The following DLG2 variants were observed in gnomAD, a reference collection of about 807,000 sequenced individuals.
DLG2 encodes the protein disks large homolog 2.
DLG2 carries 45 observed loss-of-function variants against 132.5 expected under a neutral mutation model. The ratio of observed to expected loss-of-function variants is 0.34; its 90% CI spans 0.27 to 0.44. The LOEUF is 0.44. DLG2 is among the 20% of genes least tolerant of loss of function. The pLI is 1.00. For synonymous variants in DLG2, 424 were observed against 419.6 expected (o/e 1.01, Z -0.13); for missense variants, 1,045 against 1,196.9 (o/e 0.87, Z 1.87).
At chr11:85,124,974 G>A (rs2074903136) in intron 5 of DLG2, among the ~76,000 whole-genome samples, 1 of 152,038 alleles carries the variant, frequency 6.6e-6, no homozygotes. Flanking sequence ...GGGACTACAG[G>A]CATCCGCCAC....
chr11:85,622,226 TA>T (rs2081761011), intron 2 of DLG2, among the ~76,000 whole-genome samples: 1 of 152,228 alleles, frequency 6.6e-6, no homozygotes, highest in African/African-American at 2.4e-5. Flanking sequence ...TAGTATAGTA[TA>T]TACTGTACTG....
chr11:84,048,923 G>C (rs985027616), intron 11 of DLG2, among the ~76,000 whole-genome samples: 9 of 151,498 alleles, frequency 5.9e-5, no homozygotes, highest in South Asian at 2.1e-4. Flanking sequence ...AGACAGTCTC[G>C]GTACTAAGTG....
chr11:85,445,869 A>G (rs1285622229), intron 3 of DLG2, among the ~76,000 whole-genome samples: 1 of 152,194 alleles, frequency 6.6e-6, no homozygotes. Context: ...TTGATGGAGG[A>G]AACCATGGAG....
chr11:83,965,431 T>A lies in DLG2; in HGVS notation c.1094A>T (p.Glu365Val), dbSNP rs2089956973. 9 of 1,611,478 alleles carry A rather than the reference T, an allele frequency of 5.6e-6. No individual in the cohort carries two copies. The highest frequency in any genetic ancestry group is 7.6e-6 in the Non-Finnish European group (9 of 1,178,364). ...TGTGTTCTTTAATATTGCTACTGCC[T>A]CTTCGTGTGTTACTTCTTCTAAACT... ...NYSLEEVTHE[E>V]AVAILKNTSE... Residue 365 changes from glutamate to valine, a missense_variant, in exon 13 of 28, where the codon GAG becomes GTG. This residue lies in a region of DLG2 where 261 missense variants were observed against 256.1 expected (regional missense o/e 1.02). Coordinates refer to ENST00000376104, the MANE Select transcript of DLG2 (RefSeq NM_001142699.3).
intron 6 of DLG2, among the ~76,000 whole-genome samples, chr11:84,793,778 A>C (rs562477211): frequency 2.6e-5 from 4 of 151,852 alleles, no homozygotes; most frequent in Middle Eastern, 3.4e-3. Flanking sequence ...TTTTTATTCT[A>C]TGTGTTTCTT....
intron 6 of DLG2, among the ~76,000 whole-genome samples, chr11:84,678,435 G>T (rs947796115): frequency 2.0e-5 from 3 of 152,064 alleles, no homozygotes; most frequent in African/African-American, 7.2e-5. Flanking sequence ...GTATATGGAG[G>T]TGAATAAGAG....
intron 6 of DLG2, among the ~76,000 whole-genome samples, chr11:84,799,487 G>T (rs538477873): frequency 2.9e-4 from 44 of 152,224 alleles, no homozygotes; most frequent in South Asian, 1.5e-3. Flanking sequence ...TATTGTGATT[G>T]CTCACCTGAT....
intron 3 of DLG2, among the ~76,000 whole-genome samples, chr11:85,389,506 G>A (rs2086623802): frequency 6.6e-6 from 1 of 152,044 alleles, no homozygotes; most frequent in African/African-American, 2.4e-5. Flanking sequence ...GAAGCTCAAA[G>A]AACACCTAGG....
chr11:83,868,602 A>T (rs1057339816), intron 16 of DLG2, among the ~76,000 whole-genome samples: 4 of 152,170 alleles, frequency 2.6e-5, no homozygotes, highest in African/African-American at 9.7e-5. Context: ...TACATTCTAA[A>T]AATAGACAAA....
intron 19 of DLG2, among the ~76,000 whole-genome samples, chr11:83,561,883 CTTTT>C (rs66514406): frequency 0.067 from 5,923 of 88,168 alleles, 156 homozygotes; most frequent in South Asian, 0.2. Context: ...GTATTTCTTT[CTTTT>C]TTTTTTTTTT....
At chr11:84,507,794 A>G (rs1424954794) in intron 7 of DLG2, among the ~76,000 whole-genome samples, 1 of 152,146 alleles carries the variant, frequency 6.6e-6, no homozygotes, top group Admixed American at 6.5e-5. Context: ...CATATGTTGA[A>G]CCAGCCTTGA....
chr11:83,833,878 T>A (rs1464710270), intron 16 of DLG2, 108 bp from the exon 17 acceptor site: 1 of 1,192,724 alleles, frequency 8.4e-7, no homozygotes, highest in Non-Finnish European at 1.1e-6. Context: ...ACTTGTAAAA[T>A]TGTTTCTCAA....
At chr11:85,064,534 C>A (rs1451259568) in intron 6 of DLG2, among the ~76,000 whole-genome samples, 1 of 151,626 alleles carries the variant, frequency 6.6e-6, no homozygotes, top group East Asian at 1.9e-4. Flanking sequence ...ATTTTATCTC[C>A]TAATTATACA....
chr11:85,012,119 C>T (rs964808251), intron 6 of DLG2, among the ~76,000 whole-genome samples: 4 of 145,290 alleles, frequency 2.8e-5, no homozygotes, highest in Non-Finnish European at 6.0e-5. Flanking sequence ...GTTGGGAGTT[C>T]GAGACCAGCC....
chr11:84,071,870 G>A (rs1315231597), intron 10 of DLG2, among the ~76,000 whole-genome samples: 1 of 152,160 alleles, frequency 6.6e-6, no homozygotes, highest in Non-Finnish European at 1.5e-5. Flanking sequence ...TGTGATTTCT[G>A]CAGCATAGAG....
chr11:84,974,803 C>T (rs2054631228), intron 6 of DLG2, among the ~76,000 whole-genome samples: 1 of 152,042 alleles, frequency 6.6e-6, no homozygotes, highest in Admixed American at 6.6e-5. Flanking sequence ...TTTAGCAAGC[C>T]CCCCAGATAA....
chr11:83,591,651 G>T (rs1220721864), intron 19 of DLG2, among the ~76,000 whole-genome samples: 1 of 124,886 alleles, frequency 8.0e-6, no homozygotes, highest in African/African-American at 3.0e-5. Context: ...GGGCAATTAG[G>T]CAGGAGAAGG....
intron 6 of DLG2, among the ~76,000 whole-genome samples, chr11:84,979,389 A>G (rs973330568): frequency 2.0e-5 from 3 of 152,214 alleles, no homozygotes; most frequent in Non-Finnish European, 2.9e-5. Context: ...TCACAACAGC[A>G]AAGACTTGGA....
intron 6 of DLG2, among the ~76,000 whole-genome samples, chr11:85,074,027 T>C (rs1398453528): frequency 6.6e-6 from 1 of 151,614 alleles, no homozygotes; most frequent in Non-Finnish European, 1.5e-5. Context: ...TTCTCACAAG[T>C]GGGAGCTAAA....
Sources: gnomAD v4.1 joint callset for allele counts (sites outside exome capture counted in the v4.1 genomes callset) on GRCh38, gnomAD v4.1.1 for gene constraint, gnomAD v4.1.1 regional missense constraint, MANE v1.5 for transcripts, NCBI Gene and HGNC (gene_info 2026-07-23, HGNC 2026-07-21) for gene names.